CACNB4: variants seen among roughly 807,000 people sequenced by gnomAD.
CACNB4 encodes the protein voltage-dependent L-type calcium channel subunit beta-4.
A neutral mutation model predicts 71.2 loss-of-function variants in CACNB4; 32 were observed. That is an observed-to-expected ratio of 0.45 (90% CI 0.34 to 0.60). The LOEUF is 0.60. Among genes scored for constraint, CACNB4 ranks in the 20% least tolerant of loss-of-function variants. CACNB4 has a pLI of 0.01. For synonymous variants in CACNB4, 231 were observed against 236.9 expected (o/e 0.97, Z 0.23); for missense variants, 464 against 647.9 (o/e 0.72, Z 3.08).
intron 2 of CACNB4, among the ~76,000 whole-genome samples, chr2:151,900,336 G>C (rs1367569199): frequency 6.6e-6 from 1 of 152,218 alleles, no homozygotes; most frequent in Non-Finnish European, 1.5e-5. Context: ...AAAGGCAGAG[G>C]TCAGTCTGAG....
chr2:151,854,190 G>A (rs1475368676), intron 11 of CACNB4: 2 of 152,322 alleles, frequency 1.3e-5, no homozygotes, highest in African/African-American at 4.8e-5. Context: ...GGACATAGGT[G>A]TCTGGGAACT....
intron 2 of CACNB4, among the ~76,000 whole-genome samples, chr2:152,017,657 G>A (rs1480350553): frequency 5.9e-5 from 9 of 151,404 alleles, no homozygotes; most frequent in Non-Finnish European, 8.8e-5. Context: ...GCAGTGAGCC[G>A]AGATCATGCC....
chr2:151,966,809 G>A (rs2099871235), intron 2 of CACNB4, among the ~76,000 whole-genome samples: 1 of 152,168 alleles, frequency 6.6e-6, no homozygotes, highest in East Asian at 1.9e-4. Flanking sequence ...GAAACTGTAA[G>A]TATATTCATT....
chr2:151,968,766 A>C (rs1173996226), intron 2 of CACNB4: 2 of 152,212 alleles, frequency 1.3e-5, no homozygotes, highest in Non-Finnish European at 2.9e-5. Flanking sequence ...ATATTCTAAA[A>C]TCCTGGATTG....
intron 2 of CACNB4, among the ~76,000 whole-genome samples, chr2:151,961,195 C>T (rs1335364743): frequency 1.3e-5 from 2 of 152,212 alleles, no homozygotes; most frequent in African/African-American, 4.8e-5. Flanking sequence ...GTGGGAATCA[C>T]AACGTGATGA....
At chr2:151,936,204 A>G (rs1225264123) in intron 2 of CACNB4, 1 of 152,204 alleles carries the variant, frequency 6.6e-6, no homozygotes, top group Non-Finnish European at 1.5e-5. Context: ...CAGAAAGCCC[A>G]CCTTAATTTC....
At chr2:151,866,168 A>G (rs1285305632) in intron 9 of CACNB4, 1 of 152,232 alleles carries the variant, frequency 6.6e-6, no homozygotes, top group Admixed American at 6.5e-5. Flanking sequence ...AAGTAGCTCT[A>G]AACTGACTCA....
intron 2 of CACNB4, among the ~76,000 whole-genome samples, chr2:151,890,406 TTATAGA>T (rs1041935076): frequency 1.3e-5 from 2 of 152,196 alleles, no homozygotes; most frequent in African/African-American, 4.8e-5. Flanking sequence ...CCTTACTAAC[TTATAGA>T]TATTATTATC....
At chr2:151,864,875 G>A (rs918384000) in intron 9 of CACNB4, among the ~76,000 whole-genome samples, 14 of 152,144 alleles carry the variant, frequency 9.2e-5, no homozygotes, top group African/African-American at 2.2e-4. Context: ...TTAAAGACTC[G>A]AAGGAGATAG....
At chr2:152,086,115 G>A (rs1687647783) in intron 2 of CACNB4, among the ~76,000 whole-genome samples, 1 of 152,172 alleles carries the variant, frequency 6.6e-6, no homozygotes, top group African/African-American at 2.4e-5. Flanking sequence ...TGGACAAACA[G>A]TCATAACAGT....
intron 2 of CACNB4, among the ~76,000 whole-genome samples, chr2:152,072,502 A>G (rs1686751049): frequency 6.6e-6 from 1 of 152,262 alleles, no homozygotes; most frequent in Non-Finnish European, 1.5e-5. Context: ...TCATGCCTCA[A>G]GATAATATCG....
chr2:151,903,376 G>A (rs146098605), intron 2 of CACNB4, among the ~76,000 whole-genome samples: 303 of 152,020 alleles, frequency 2.0e-3, no homozygotes, highest in African/African-American at 6.3e-3. Context: ...AAAATTAGCC[G>A]GATGTGGTGG....
At chr2:151,957,980 T>G (rs891933590) in intron 2 of CACNB4, among the ~76,000 whole-genome samples, 6 of 152,170 alleles carry the variant, frequency 3.9e-5, no homozygotes, top group Admixed American at 6.5e-5. Flanking sequence ...TAAATAAAAT[T>G]TAATTGGTTT....
intron 2 of CACNB4, among the ~76,000 whole-genome samples, chr2:151,951,259 G>C (rs2099866850): frequency 6.6e-6 from 1 of 151,694 alleles, no homozygotes; most frequent in African/African-American, 2.4e-5. Context: ...TAATTGCATG[G>C]TTTGTGAATC....
intron 2 of CACNB4, chr2:151,971,189 A>G (rs2099872446): frequency 3.1e-6 from 1 of 319,762 alleles, no homozygotes; most frequent in South Asian, 4.5e-5. Flanking sequence ...TCTCTCTCCT[A>G]CTGTGGGGAT....
chr2:151,970,527 G>T (rs1228307308), intron 2 of CACNB4: 1 of 152,140 alleles, frequency 6.6e-6, no homozygotes, highest in Non-Finnish European at 1.5e-5. Flanking sequence ...TAAAGAGCAG[G>T]TCTAATGAAA....
chr2:151,855,389 T>C lies in CACNB4; in HGVS notation c.869-14A>G. 6.4e-7 allele frequency: 1 copy of C among 1,563,580 alleles called. No homozygotes were observed. The highest frequency in any genetic ancestry group is 1.3e-5 in the African/African-American group (1 of 74,362). On this transcript the variant is annotated splice_polypyrimidine_tract_variant and intron_variant, in intron 10 of 13. Coordinates refer to ENST00000539935, the MANE Select transcript of CACNB4 (RefSeq NM_000726.5). The stretch of plus-strand genomic sequence containing the variant: ...TTTGTACTTCCGCTTAAAGGAAAAA[T>C]AATAAATAGATCCCGGTTATTGTTA...
intron 2 of CACNB4, among the ~76,000 whole-genome samples, chr2:152,071,327 A>C (rs910346614): frequency 6.6e-6 from 1 of 152,224 alleles, no homozygotes; most frequent in Admixed American, 6.5e-5. Flanking sequence ...TAGAATTTTT[A>C]AAACCTTACT....
At chr2:151,876,620 C>A in intron 4 of CACNB4, 64 bp from the exon 5 acceptor site, 1 of 956,882 alleles carries the variant, frequency 1.0e-6, no homozygotes, top group East Asian at 3.2e-5. Flanking sequence ...GTTTATTAAT[C>A]TTAGGGGACA....
Sources: allele counts gnomAD v4.1 joint callset (sites outside exome capture counted in the v4.1 genomes callset), GRCh38; gene constraint gnomAD v4.1.1; transcripts MANE v1.5; gene names NCBI Gene and HGNC (gene_info 2026-07-23, HGNC 2026-07-21).